AFTPH: variants seen among roughly 807,000 people sequenced by gnomAD.
AFTPH encodes the protein aftiphilin protein.
Under a neutral mutation model 72.5 loss-of-function variants are expected in AFTPH, and 7 were observed. That is an observed-to-expected ratio of 0.10 (90% CI 0.05 to 0.18). AFTPH has a LOEUF of 0.18. AFTPH is among the 10% of genes least tolerant of loss of function. The pLI is 1.00. For synonymous variants in AFTPH, 337 were observed against 370.1 expected (o/e 0.91, Z 1.03); for missense variants, 979 against 1,060.5 (o/e 0.92, Z 1.07).
chr2:64,533,029 A>G (rs1205746106), intron 1 of AFTPH, among the ~76,000 whole-genome samples: 1 of 152,156 alleles, frequency 6.6e-6, no homozygotes, highest in Non-Finnish European at 1.5e-5. Context: ...TTTTTCCTGC[A>G]GAAAATAAAC....
chr2:64,576,931 A>C (rs1000162191), intron 6 of AFTPH, among the ~76,000 whole-genome samples: 1 of 151,922 alleles, frequency 6.6e-6, no homozygotes, highest in Non-Finnish European at 1.5e-5. Context: ...GCTAATTTTT[A>C]TATTTTTAGT....
intron 7 of AFTPH, among the ~76,000 whole-genome samples, chr2:64,583,228 T>C (rs1022961221): frequency 1.3e-5 from 2 of 152,018 alleles, no homozygotes; most frequent in African/African-American, 2.4e-5. Context: ...TATTTAATTA[T>C]TTTGTGTGTG....
At chr2:64,566,899 G>A (rs992267665) in intron 2 of AFTPH, among the ~76,000 whole-genome samples, 2 of 152,004 alleles carry the variant, frequency 1.3e-5, no homozygotes, top group Non-Finnish European at 2.9e-5. Flanking sequence ...CAACAAAGAC[G>A]AGTAGAGAAA....
At chr2:64,537,318 G>A (rs774684174) in intron 1 of AFTPH, among the ~76,000 whole-genome samples, 36 of 152,032 alleles carry the variant, frequency 2.4e-4, no homozygotes, top group African/African-American at 8.5e-4. Context: ...ACCACCTGTC[G>A]GGTACTATGC....
chr2:64,590,406 A>G (rs897495251), intron 8 of AFTPH, among the ~76,000 whole-genome samples: 1 of 152,192 alleles, frequency 6.6e-6, no homozygotes, highest in Non-Finnish European at 1.5e-5. Flanking sequence ...CCTAGGTGTT[A>G]TATCACATCA....
chr2:64,553,977 A>C (rs930218715), intron 2 of AFTPH, among the ~76,000 whole-genome samples: 1 of 152,164 alleles, frequency 6.6e-6, no homozygotes, highest in Non-Finnish European at 1.5e-5. Context: ...AGAAAAAAGC[A>C]AGTTTTTCTT....
chr2:64,560,720 A>G (rs1410021110), intron 2 of AFTPH, among the ~76,000 whole-genome samples: 1 of 152,120 alleles, frequency 6.6e-6, no homozygotes, highest in Non-Finnish European at 1.5e-5. Context: ...TAAAACTACA[A>G]AAGTTAGCTA....
chr2:64,536,796 T>A (rs938185876), intron 1 of AFTPH, among the ~76,000 whole-genome samples: 1 of 151,050 alleles, frequency 6.6e-6, no homozygotes, highest in Non-Finnish European at 1.5e-5. Flanking sequence ...CTACAAAAAA[T>A]TTAAAAATTA....
At chr2:64,552,361 A>G (rs768079005) in exon 2 of AFTPH, 1 of 1,614,088 alleles carries the variant, frequency 6.2e-7, no homozygotes, top group South Asian at 1.1e-5. Context: ...GGAGAGGATC[A>G]GGTTTGTGTT....
chr2:64,576,116 C>T (rs1438901285), intron 6 of AFTPH, among the ~76,000 whole-genome samples: 50 of 111,232 alleles, frequency 4.5e-4, no homozygotes, highest in African/African-American at 2.5e-3. Flanking sequence ...CACACACACA[C>T]ACGTGTGTCA....
chr2:64,590,719 C>A (rs1673779564), intron 8 of AFTPH, among the ~76,000 whole-genome samples: 3 of 152,148 alleles, frequency 2.0e-5, no homozygotes, highest in Non-Finnish European at 2.9e-5. Context: ...GATGCTTTTT[C>A]CCTTTTGAAA....
chr2:64,531,151 A>G (rs1028096065), intron 1 of AFTPH, among the ~76,000 whole-genome samples: 1 of 151,572 alleles, frequency 6.6e-6, no homozygotes, highest in African/African-American at 2.4e-5. Flanking sequence ...TATCTCTGCT[A>G]TTTCCCACTA....
intron 1 of AFTPH, among the ~76,000 whole-genome samples, chr2:64,527,067 A>T (rs1007103528): frequency 6.6e-6 from 1 of 152,252 alleles, no homozygotes. Context: ...GGGAATGATA[A>T]ACACCAAGTC....
intron 7 of AFTPH, among the ~76,000 whole-genome samples, chr2:64,583,070 C>T (rs1337405875): frequency 6.6e-6 from 1 of 152,016 alleles, no homozygotes; most frequent in South Asian, 2.1e-4. Flanking sequence ...TATATATTTG[C>T]TTTGGCTTCT....
intron 7 of AFTPH, among the ~76,000 whole-genome samples, chr2:64,582,416 T>C (rs1214288682): frequency 6.6e-6 from 1 of 152,198 alleles, no homozygotes; most frequent in African/African-American, 2.4e-5. Context: ...TCCAAGGTCA[T>C]TTGGTATAGA....
intron 1 of AFTPH, among the ~76,000 whole-genome samples, chr2:64,530,471 T>C (rs1669564237): frequency 6.6e-6 from 1 of 152,054 alleles, no homozygotes; most frequent in Admixed American, 6.5e-5. Context: ...TTTGGGAAAA[T>C]GTGGAAAAAA....
intron 2 of AFTPH, among the ~76,000 whole-genome samples, chr2:64,556,359 A>G (rs1014442510): frequency 2.6e-5 from 4 of 152,200 alleles, no homozygotes; most frequent in East Asian, 1.9e-4. Context: ...TTTCTGTTCA[A>G]TCTTACCCGG....
intron 2 of AFTPH, among the ~76,000 whole-genome samples, chr2:64,553,945 A>G (rs1054656800): frequency 6.6e-6 from 1 of 152,184 alleles, no homozygotes; most frequent in Non-Finnish European, 1.5e-5. Context: ...GCTATAGTGA[A>G]TTGAAGAACA....
intron 7 of AFTPH, among the ~76,000 whole-genome samples, chr2:64,582,751 G>A (rs1194169792): frequency 6.6e-6 from 1 of 152,074 alleles, no homozygotes; most frequent in African/African-American, 2.4e-5. Flanking sequence ...ATTTGAATGA[G>A]GTCACTGTTT....
Sources: allele counts gnomAD v4.1 joint callset (sites outside exome capture counted in the v4.1 genomes callset), GRCh38; gene constraint gnomAD v4.1.1; transcripts MANE v1.5; gene names NCBI Gene and HGNC (gene_info 2026-07-23, HGNC 2026-07-21).